The following NLRC5 variants were observed in gnomAD, a reference collection of about 807,000 sequenced individuals.
NLRC5 encodes protein NLRC5.
In NLRC5, 114 loss-of-function variants were observed where a neutral mutation model predicts 206.9. That is an observed-to-expected ratio of 0.55 (90% CI 0.47 to 0.64). The LOEUF (loss-of-function observed/expected upper bound fraction) is 0.64, where lower values mean the gene tolerates loss of function less well. NLRC5 is among the 30% of genes least tolerant of loss of function. The pLI is 0.00. For synonymous variants in NLRC5, 952 were observed against 962.8 expected, an observed-to-expected ratio of 0.99 and a Z score of 0.21; for missense variants, 2,008 against 2,305.5, an observed-to-expected ratio of 0.87 and a Z score of 2.64.
At chr16:57,009,525 G>A (rs1262408520) in intron 1 of NLRC5, among the ~76,000 whole-genome samples, 3 of 152,004 alleles carry the variant, frequency 2.0e-5, no homozygotes, top group South Asian at 4.1e-4. Context: ...CCTGGGAGGT[G>A]GAGGTTGCAG....
intron 1 of NLRC5, among the ~76,000 whole-genome samples, chr16:57,009,073 A>C (rs983729754): frequency 8.6e-5 from 13 of 152,038 alleles, no homozygotes; most frequent in Non-Finnish European, 5.9e-5. Context: ...TGGGTGGATC[A>C]TGAGGTCAGG....
rs1207252069 is a variant in NLRC5, at chr16:57,038,240, C to T, written c.2801+956C>T. On this transcript the variant is annotated intron_variant, in intron 15 of 48. Coordinates refer to ENST00000688547, the MANE Select transcript of NLRC5 (RefSeq NM_001384950.1). ...GTGCAGTTTCAATATGGAGGGGTGA[C>T]GGGGAGTTATTAAGTAAACATAAAG... Among the ~76,000 whole-genome samples, 11 of 152,004 alleles carry T rather than the reference C, an allele frequency of 7.2e-5. No individual in the cohort carries two copies. In the East Asian group the frequency reaches 7.7e-4, roughly 11 times the overall value.
At chr16:57,055,314 C>G (rs1315993773) in intron 26 of NLRC5, 119 bp from the exon 27 acceptor site, 1 of 1,008,324 alleles carries the variant, frequency 9.9e-7, no homozygotes, top group African/African-American at 1.6e-5. Context: ...TCCAGAGGGT[C>G]CAAGCTTGAG....
At position 57,058,953 on chromosome 16, in the gene NLRC5, A is replaced by T. The variant is rs1288793422; in HGVS notation, c.3831-19A>T. The stretch of plus-strand genomic sequence containing the variant: ...AGGTCCTGCCCTCACTCCCATTCTC[A>T]TCTCCATTTCCCTTCTAGTCTGAGT... On this transcript the variant is annotated intron_variant, in intron 28 of 48. Coordinates refer to ENST00000688547, the MANE Select transcript of NLRC5 (RefSeq NM_001384950.1). The T allele has an allele frequency of 1.2e-6, 2 of 1,610,850 alleles. No individual in the cohort carries two copies. The highest frequency in any genetic ancestry group is 8.5e-7 in the Non-Finnish European group (1 of 1,177,050).
At chr16:57,060,346 C>T (rs1384650994) in intron 30 of NLRC5, among the ~76,000 whole-genome samples, 1 of 151,932 alleles carries the variant, frequency 6.6e-6, no homozygotes, top group East Asian at 1.9e-4. Context: ...CACCATGTTC[C>T]TTCCCACCTC....
chr16:57,045,612 C>T (rs1406063880), intron 21 of NLRC5, 120 bp downstream of exon 21: 13 of 854,870 alleles, frequency 1.5e-5, no homozygotes, highest in South Asian at 4.2e-5. Context: ...CACCCAAGTC[C>T]GGCACACTAG....
At chr16:57,071,631 T>A (rs1597443522) in intron 38 of NLRC5, among the ~76,000 whole-genome samples, 1 of 89,786 alleles carries the variant, frequency 1.1e-5, no homozygotes, top group Non-Finnish European at 2.1e-5. Flanking sequence ...AGGGGGTGGG[T>A]GAGTGGTGAT....
chr16:57,037,913 G>A (rs1276367018), intron 15 of NLRC5, among the ~76,000 whole-genome samples: 1 of 152,168 alleles, frequency 6.6e-6, no homozygotes, highest in Non-Finnish European at 1.5e-5. Flanking sequence ...CCTCAAGGGA[G>A]GAGAGGGAAA....
rs1332433834 is a variant in NLRC5 at position 57,070,638 on chromosome 16, G to C, written c.4667+20G>C. ...GCTGGAGTAAGTAGTGATGGTGGTT[G>C]TGGGTGAGTGAGTGGTGGGGGTGGT... On this transcript the variant is annotated intron_variant, in intron 38 of 48. Transcript: ENST00000688547. 1 of 1,605,586 alleles carries C rather than the reference G, an allele frequency of 6.2e-7. No homozygotes were observed. The highest frequency in any genetic ancestry group is 1.3e-5 in the African/African-American group (1 of 74,756).
chr16:57,007,683 C>T (rs531095151), intron 1 of NLRC5, among the ~76,000 whole-genome samples: 6 of 152,214 alleles, frequency 3.9e-5, no homozygotes, highest in South Asian at 2.1e-4. Context: ...GAGTGGAGAT[C>T]GTGCCACTGT....
intron 1 of NLRC5, among the ~76,000 whole-genome samples, chr16:56,994,552 G>A (rs1269515272): frequency 1.3e-5 from 2 of 152,230 alleles, no homozygotes; most frequent in Non-Finnish European, 2.9e-5. Context: ...ATGAGGTCAG[G>A]TGGAAGTGAC....
intron 1 of NLRC5, among the ~76,000 whole-genome samples, chr16:56,994,154 G>A (rs1177009783): frequency 6.7e-6 from 1 of 150,052 alleles, no homozygotes; most frequent in Admixed American, 6.7e-5. Context: ...CATGGTGTAT[G>A]TGTATGGGGC....
chr16:56,991,279 C>T (rs530433712), intron 1 of NLRC5, among the ~76,000 whole-genome samples: 8 of 152,138 alleles, frequency 5.3e-5, no homozygotes, highest in African/African-American at 1.9e-4. Flanking sequence ...TCCGGGTGTC[C>T]ACAGGGCCGG....
intron 41 of NLRC5, 121 bp from the exon 42 acceptor site, chr16:57,077,598 G>A: frequency 1.9e-6 from 2 of 1,043,516 alleles, no homozygotes; most frequent in Non-Finnish European, 2.8e-6. Context: ...CTGGGTAGGT[G>A]TGTGGTGTCG....
Position 57,020,702 on chromosome 16 carries a change from G to T in NLRC5, c.-11G>T. ...CACCTATCTTCCCTGTCCCTCCAGG[G>T]CTGGCTCCTCATGGACCCCGTTGGC... is the stretch of plus-strand genomic sequence containing the variant. On this transcript the variant is annotated splice_region_variant and 5_prime_UTR_variant, in exon 3 of 49. Coordinates refer to ENST00000688547, the MANE Select transcript of NLRC5 (RefSeq NM_001384950.1). 1 of 1,605,188 alleles carries T rather than the reference G, an allele frequency of 6.2e-7. No individual in the cohort carries two copies. The highest frequency in any genetic ancestry group is 1.1e-5 in the South Asian group (1 of 90,492).
intron 1 of NLRC5, among the ~76,000 whole-genome samples, chr16:57,001,473 C>T (rs2058239243): frequency 6.6e-6 from 1 of 152,330 alleles, no homozygotes; most frequent in Non-Finnish European, 1.5e-5. Flanking sequence ...TGGCTCCACT[C>T]CTGTCCTCTC....
intron 38 of NLRC5, among the ~76,000 whole-genome samples, chr16:57,071,284 A>G (rs2067709550): frequency 7.5e-6 from 1 of 134,010 alleles, no homozygotes; most frequent in Non-Finnish European, 1.6e-5. Flanking sequence ...GGGTTGGTTA[A>G]TGGGGAAGCG....
At chr16:57,043,314 G>A (rs956862267) in intron 19 of NLRC5, among the ~76,000 whole-genome samples, 4 of 152,070 alleles carry the variant, frequency 2.6e-5, no homozygotes, top group African/African-American at 9.7e-5. Context: ...CATAACCTTG[G>A]GCTAGACCTT....
At chr16:57,004,785 A>G (rs1419741719) in intron 1 of NLRC5, among the ~76,000 whole-genome samples, 1 of 152,194 alleles carries the variant, frequency 6.6e-6, no homozygotes, top group African/African-American at 2.4e-5. Flanking sequence ...GGACAGCAGG[A>G]AGGATTCCCA....
Sources: gnomAD v4.1 joint callset for allele counts (sites outside exome capture counted in the v4.1 genomes callset) on GRCh38, gnomAD v4.1.1 for gene constraint, MANE v1.5 for transcripts, NCBI Gene and HGNC (gene_info 2026-07-23, HGNC 2026-07-21) for gene names.